Variants in KCNJ6 observed in about 807,000 individuals in gnomAD.
KCNJ6 encodes the protein G protein-activated inward rectifier potassium channel 2.
Under a neutral mutation model 34.2 loss-of-function variants are expected in KCNJ6, and 9 were observed. The observed-to-expected ratio is 0.26, with a 90% CI of 0.16 to 0.46. The LOEUF (loss-of-function observed/expected upper bound fraction) is 0.46. Ranked by LOEUF, KCNJ6 falls within the 20% of genes least tolerant of loss-of-function variation. The probability of loss-of-function intolerance (pLI) is 1.00; values close to 1 mark genes in which losing one functional copy is unlikely to be tolerated. For synonymous variants in KCNJ6, 196 were observed against 207.1 expected (o/e 0.95, Z 0.46); for missense variants, 236 against 531.3 (o/e 0.44, Z 5.46).
intron 2 of KCNJ6, among the ~76,000 whole-genome samples, chr21:37,719,994 G>A (rs857958): frequency 4.6e-5 from 7 of 151,936 alleles, no homozygotes; most frequent in African/African-American, 9.7e-5. Flanking sequence ...TTTTAATGTC[G>A]TGGGGAAAAC....
At chr21:37,728,478 G>C (rs949561392) in intron 2 of KCNJ6, among the ~76,000 whole-genome samples, 7 of 152,168 alleles carry the variant, frequency 4.6e-5, no homozygotes, top group Non-Finnish European at 1.0e-4. Context: ...AAAGGAGATT[G>C]TGCTTAAACA....
At chr21:37,855,353 C>G (rs1490576263) in intron 1 of KCNJ6, among the ~76,000 whole-genome samples, 1 of 152,136 alleles carries the variant, frequency 6.6e-6, no homozygotes, top group East Asian at 1.9e-4. Context: ...AATGGACTCT[C>G]CATTCTCTTT....
At chr21:37,770,994 G>A (rs913085287) in intron 2 of KCNJ6, among the ~76,000 whole-genome samples, 2 of 152,152 alleles carry the variant, frequency 1.3e-5, no homozygotes, top group Non-Finnish European at 2.9e-5. Flanking sequence ...AGGACTTTGC[G>A]TCGTTTTCTA....
At chr21:37,809,366 G>A (rs1274990272) in intron 2 of KCNJ6, among the ~76,000 whole-genome samples, 4 of 151,858 alleles carry the variant, frequency 2.6e-5, no homozygotes, top group Admixed American at 1.3e-4. Flanking sequence ...CACACTCCGG[G>A]GCCTGTTGTG....
intron 2 of KCNJ6, among the ~76,000 whole-genome samples, chr21:37,750,863 C>T (rs2054991962): frequency 6.6e-6 from 1 of 152,136 alleles, no homozygotes; most frequent in Non-Finnish European, 1.5e-5. Context: ...AGGTATCCCA[C>T]AACTTAAAGT....
chr21:37,868,621 G>A (rs2055634866), intron 1 of KCNJ6, among the ~76,000 whole-genome samples: 2 of 152,188 alleles, frequency 1.3e-5, no homozygotes, highest in African/African-American at 2.4e-5. Context: ...AGCGGTCCAT[G>A]CATGTTTACA....
At chr21:37,880,084 C>G (rs1216522244) in intron 1 of KCNJ6, among the ~76,000 whole-genome samples, 3 of 131,694 alleles carry the variant, frequency 2.3e-5, no homozygotes, top group Non-Finnish European at 4.7e-5. Flanking sequence ...CATGGTGAAA[C>G]CCGGCTCTAA....
rs890529465 is a variant in KCNJ6 at position 37,635,655 on chromosome 21, T to C, written c.947-10171A>G. On this transcript the variant is annotated intron_variant, in intron 3 of 3. Transcript: ENST00000609713. The stretch of plus-strand genomic sequence containing the variant: ...ACTTCAGCCTCCTGAGTAGCTGGGA[T>C]TACAGGCATGTGCCACCACACCTGA... Among the ~76,000 whole-genome samples, 3 of 152,098 alleles carry C rather than the reference T, an allele frequency of 2.0e-5. No homozygotes were observed. The South Asian group carries it at 6.2e-4, about 32-fold the overall frequency.
At chr21:37,911,031 A>G (rs1246553570) in intron 1 of KCNJ6, among the ~76,000 whole-genome samples, 1 of 151,964 alleles carries the variant, frequency 6.6e-6, no homozygotes, top group Non-Finnish European at 1.5e-5. Flanking sequence ...GAGGATACAG[A>G]CTCTTCTTTT....
chr21:37,902,078 T>C (rs2055819571), intron 1 of KCNJ6, among the ~76,000 whole-genome samples: 1 of 152,212 alleles, frequency 6.6e-6, no homozygotes, highest in Non-Finnish European at 1.5e-5. Flanking sequence ...CTCCAATCTC[T>C]CAGGCTCCTA....
At chr21:37,778,822 C>T (rs1409527102) in intron 2 of KCNJ6, among the ~76,000 whole-genome samples, 1 of 151,760 alleles carries the variant, frequency 6.6e-6, no homozygotes, top group Non-Finnish European at 1.5e-5. Flanking sequence ...TGGAGCACCC[C>T]CTCCTTCCTT....
rs2054463118 is a variant in KCNJ6 at position 37,656,181 on chromosome 21, C to T, written c.947-30697G>A. Among the ~76,000 whole-genome samples the T allele has an allele frequency of 2.6e-5, 4 of 152,294 alleles. No homozygotes were observed. In the Middle Eastern group the frequency reaches 0.01, roughly 389 times the overall value. ...ACAGGCTGGCATCAGCTGGCCACAC[C>T]CCTTCTCCCTGCTGAGCAGCACAGG... On this transcript the variant is annotated intron_variant, in intron 3 of 3. Coordinates refer to ENST00000609713, the MANE Select transcript of KCNJ6 (RefSeq NM_002240.5).
At chr21:37,756,229 AG>A (rs146042528) in intron 2 of KCNJ6, among the ~76,000 whole-genome samples, 5,677 of 152,330 alleles carry the variant, frequency 0.037, 130 homozygotes, top group Non-Finnish European at 0.058. Flanking sequence ...CAACAAAAGT[AG>A]GAAAACTGAT....
Position 37,911,622 on chromosome 21 carries a change from C to A in KCNJ6, c.-28+4262G>T, listed in dbSNP as rs190339762. On this transcript the variant is annotated intron_variant, in intron 1 of 3. Coordinates refer to ENST00000609713, the MANE Select transcript of KCNJ6 (RefSeq NM_002240.5). Reference sequence around the variant, plus strand: ...GTTTAAAGCTGGTAGCAATAAGTAACTGCCTTTTCCCCTCACTTTCTTCTT... The same window carrying A: ...GTTTAAAGCTGGTAGCAATAAGTAAATGCCTTTTCCCCTCACTTTCTTCTT... 2.0e-5 allele frequency among the ~76,000 whole-genome samples: 3 copies of A among 152,312 alleles called. No homozygotes were observed. The East Asian group carries it at 5.8e-4, about 29-fold the overall frequency.
chr21:37,702,191 C>T (rs1198250993), intron 3 of KCNJ6, among the ~76,000 whole-genome samples: 1 of 142,812 alleles, frequency 7.0e-6, no homozygotes, highest in African/African-American at 2.6e-5. Flanking sequence ...TGAGATCGTA[C>T]CACTGCACTC....
chr21:37,864,003 C>T (rs910272541), intron 1 of KCNJ6, among the ~76,000 whole-genome samples: 2 of 151,784 alleles, frequency 1.3e-5, no homozygotes, highest in Admixed American at 1.3e-4. Flanking sequence ...ATGAGTCATC[C>T]GGCATCACAA....
At chr21:37,692,428 C>T (rs990818003) in intron 3 of KCNJ6, among the ~76,000 whole-genome samples, 25 of 152,184 alleles carry the variant, frequency 1.6e-4, no homozygotes, top group Admixed American at 1.4e-3. Flanking sequence ...AATATATTCT[C>T]CTCAGCAGTG....
At chr21:37,685,049 C>T (rs909765754) in intron 3 of KCNJ6, among the ~76,000 whole-genome samples, 1 of 152,076 alleles carries the variant, frequency 6.6e-6, no homozygotes, top group Non-Finnish European at 1.5e-5. Context: ...ACAAGGGAGT[C>T]ATTTCCTTTA....
At chr21:37,649,070 C>G (rs1435171758) in intron 3 of KCNJ6, among the ~76,000 whole-genome samples, 1 of 137,236 alleles carries the variant, frequency 7.3e-6, no homozygotes, top group Non-Finnish European at 1.5e-5. Context: ...AAGGTGGAGG[C>G]TGCAGAGTGC....
Sources: allele counts gnomAD v4.1 joint callset (sites outside exome capture counted in the v4.1 genomes callset), GRCh38; gene constraint gnomAD v4.1.1; transcripts MANE v1.5; gene names NCBI Gene and HGNC (gene_info 2026-07-23, HGNC 2026-07-21).